The following PDK1 variants were observed in gnomAD, a reference collection of about 807,000 sequenced individuals.
PDK1 encodes [Pyruvate dehydrogenase (acetyl-transferring)] kinase isozyme 1, mitochondrial.
A neutral mutation model predicts 54.2 loss-of-function variants in PDK1; 39 were observed. The ratio of observed to expected loss-of-function variants is 0.72; its 90% confidence interval spans 0.56 to 0.94. The LOEUF (loss-of-function observed/expected upper bound fraction) is 0.94, where lower values mean the gene tolerates loss of function less well. Ranked by LOEUF, PDK1 falls within the 40% of genes least tolerant of loss-of-function variation. The pLI is 0.00. For missense variants in PDK1, 552 were observed against 566.0 expected (o/e 0.98, Z 0.25); for synonymous variants, 221 against 207.1 (o/e 1.07, Z -0.58).
At chr2:172,588,989 G>A (rs1056097952) in intron 9 of PDK1, among the ~76,000 whole-genome samples, 5 of 152,226 alleles carry the variant, frequency 3.3e-5, no homozygotes, top group East Asian at 3.8e-4. Context: ...AACCTTGAGA[G>A]GGATTGTAGT....
At chr2:172,592,078 C>T (rs1295246377) in intron 9 of PDK1, among the ~76,000 whole-genome samples, 2 of 152,192 alleles carry the variant, frequency 1.3e-5, no homozygotes, top group African/African-American at 4.8e-5. Flanking sequence ...ATTTAGATCC[C>T]CTGTTAGGAA....
chr2:172,708,347 A>G, the PDK1 span, among the ~76,000 whole-genome samples: 1 of 152,152 alleles, frequency 6.6e-6, no homozygotes, highest in Non-Finnish European at 1.5e-5. Flanking sequence ...GGTTGCTAGT[A>G]ACTCTAAGGA....
chr2:172,694,220 T>C, the PDK1 span, among the ~76,000 whole-genome samples: 1 of 152,254 alleles, frequency 6.6e-6, no homozygotes. Flanking sequence ...CTGCATTTCA[T>C]GCTTCCTTTA....
At chr2:172,622,048 A>ATAT in the PDK1 span, among the ~76,000 whole-genome samples, 22 of 147,404 alleles carry the variant, frequency 1.5e-4, no homozygotes, top group Non-Finnish European at 2.4e-4. Context: ...TATATCTCAT[A>ATAT]TATGTGAGAT....
the PDK1 span, among the ~76,000 whole-genome samples, chr2:172,621,847 A>G: frequency 8.3e-6 from 1 of 119,780 alleles, no homozygotes; most frequent in African/African-American, 3.0e-5. Context: ...CATATGTATG[A>G]TACATGTTTA....
chr2:172,684,015 G>A, the PDK1 span, among the ~76,000 whole-genome samples: 2 of 152,236 alleles, frequency 1.3e-5, no homozygotes, highest in Non-Finnish European at 2.9e-5. Context: ...TTTTATAGCT[G>A]AGAATACCCT....
the PDK1 span, among the ~76,000 whole-genome samples, chr2:172,676,165 T>C: frequency 6.6e-6 from 1 of 152,108 alleles, no homozygotes; most frequent in African/African-American, 2.4e-5. Flanking sequence ...CTAAGGGAGA[T>C]GTACAAGGAG....
At chr2:172,682,929 A>C in the PDK1 span, among the ~76,000 whole-genome samples, 3 of 152,170 alleles carry the variant, frequency 2.0e-5, no homozygotes, top group African/African-American at 4.8e-5. Flanking sequence ...TCATGACAAA[A>C]AAGGAGAGCT....
the PDK1 span, among the ~76,000 whole-genome samples, chr2:172,633,649 A>T: frequency 2.0e-5 from 3 of 150,852 alleles, no homozygotes; most frequent in African/African-American, 4.8e-5. Flanking sequence ...CAGATGAACA[A>T]ATATTGACAT....
chr2:172,570,854 T>TC, intron 8 of PDK1, 30 bp downstream of exon 8: 1 of 1,306,204 alleles, frequency 7.7e-7, no homozygotes, highest in African/African-American at 1.5e-5. Context: ...TGTTTTCTTT[T>TC]TTTTTTTTTT....
At chr2:172,662,939 T>G in the PDK1 span, among the ~76,000 whole-genome samples, 1 of 152,202 alleles carries the variant, frequency 6.6e-6, no homozygotes, top group Non-Finnish European at 1.5e-5. Flanking sequence ...AGTTGATCCC[T>G]CTAGCTTCAA....
chr2:172,696,709 ATTTAAT>A, the PDK1 span, among the ~76,000 whole-genome samples: 1 of 152,140 alleles, frequency 6.6e-6, no homozygotes, highest in African/African-American at 2.4e-5. Flanking sequence ...GAAAGAGTAA[ATTTAAT>A]TTTATTGCTT....
chr2:172,634,790 A>G, the PDK1 span, among the ~76,000 whole-genome samples: 14 of 148,420 alleles, frequency 9.4e-5, no homozygotes, highest in African/African-American at 3.5e-4. Context: ...AAAAAAAAAG[A>G]TAAGGTTTTT....
intron 8 of PDK1, among the ~76,000 whole-genome samples, chr2:172,576,020 C>T (rs559537154): frequency 5.1e-4 from 78 of 152,066 alleles, no homozygotes; most frequent in African/African-American, 1.8e-3. Flanking sequence ...CTCCGCCTCC[C>T]GAGTTCACGC....
At chr2:172,669,156 T>C in the PDK1 span, among the ~76,000 whole-genome samples, 1 of 146,950 alleles carries the variant, frequency 6.8e-6, no homozygotes, top group Non-Finnish European at 1.5e-5. Flanking sequence ...GCCTCCCGGG[T>C]TCACGCCATT....
chr2:172,610,181 C>T (rs1374045590), downstream of PDK1, among the ~76,000 whole-genome samples: 1 of 152,008 alleles, frequency 6.6e-6, no homozygotes, highest in Non-Finnish European at 1.5e-5. Flanking sequence ...CTAGTATATC[C>T]TTTGCTGTGA....
At chr2:172,577,682 C>T (rs59373129) in intron 8 of PDK1, among the ~76,000 whole-genome samples, 6,168 of 152,138 alleles carry the variant, frequency 0.041, 336 homozygotes, top group African/African-American at 0.13. Flanking sequence ...AATTTGCTTT[C>T]AATAGTATAC....
chr2:172,692,762 T>C, the PDK1 span, among the ~76,000 whole-genome samples: 1 of 152,142 alleles, frequency 6.6e-6, no homozygotes, highest in Non-Finnish European at 1.5e-5. Flanking sequence ...TGCCATGTGG[T>C]ATCTGCATTT....
the PDK1 span, among the ~76,000 whole-genome samples, chr2:172,680,784 A>G: frequency 6.6e-6 from 1 of 152,214 alleles, no homozygotes; most frequent in Non-Finnish European, 1.5e-5. Flanking sequence ...CTCTAGTCCA[A>G]AGGGAATAAG....
Sources: allele counts gnomAD v4.1 joint callset (sites outside exome capture counted in the v4.1 genomes callset), GRCh38; gene constraint gnomAD v4.1.1; transcripts MANE v1.5; gene names NCBI Gene and HGNC (gene_info 2026-07-23, HGNC 2026-07-21).